Variants in DOCK11 observed in about 807,000 individuals in gnomAD.
The protein encoded by DOCK11 is dedicator of cytokinesis protein 11.
Under a neutral mutation model 169.1 loss-of-function variants are expected in DOCK11, and 70 were observed. That is an observed-to-expected ratio of 0.41 (90% CI 0.34 to 0.51). DOCK11 has a LOEUF of 0.51. DOCK11 is among the 20% of genes least tolerant of loss of function. DOCK11 has a pLI of 0.10. For synonymous variants in DOCK11, 529 were observed against 541.3 expected (o/e 0.98, Z 0.32); for missense variants, 1,166 against 1,538.8 (o/e 0.76, Z 4.05).
At chrX:118,502,940 G>A (rs986878867) in intron 1 of DOCK11, among the ~76,000 whole-genome samples, 33 of 110,990 alleles carry the variant, frequency 3.0e-4, no homozygotes, top group African/African-American at 1.0e-3. Flanking sequence ...CTGGAGTGCA[G>A]TAGATTCTTA....
intron 52 of DOCK11, among the ~76,000 whole-genome samples, chrX:118,684,166 A>G (rs1230592026): frequency 9.0e-6 from 1 of 111,620 alleles, no homozygotes; most frequent in Non-Finnish European, 1.9e-5. Context: ...TGACAAAAAG[A>G]CATGACTGGA....
chrX:118,496,625 C>T (rs1359026804), intron 1 of DOCK11, among the ~76,000 whole-genome samples: 1 of 112,078 alleles, frequency 8.9e-6, no homozygotes, highest in Non-Finnish European at 1.9e-5. Context: ...GGAAGCAGAG[C>T]GACTTCCTCC....
At chrX:118,591,041 A>G (rs977590416) in intron 19 of DOCK11, among the ~76,000 whole-genome samples, 5 of 111,674 alleles carry the variant, frequency 4.5e-5, no homozygotes, top group African/African-American at 1.3e-4. Flanking sequence ...TTTGATTCCT[A>G]TATGTCTCTA....
intron 20 of DOCK11, 122 bp downstream of exon 20, chrX:118,593,459 T>A: frequency 1.6e-6 from 1 of 642,102 alleles, no homozygotes. Flanking sequence ...CTGTATTAGT[T>A]CATTTTCATG....
intron 6 of DOCK11, among the ~76,000 whole-genome samples, chrX:118,561,093 T>C (rs2012893384): frequency 8.9e-6 from 1 of 112,352 alleles, no homozygotes. Flanking sequence ...AAGAATGCTA[T>C]AGTGAAAGGG....
chrX:118,517,772 G>A (rs1053361738), intron 1 of DOCK11, among the ~76,000 whole-genome samples: 2 of 111,653 alleles, frequency 1.8e-5, no homozygotes, highest in Admixed American at 9.6e-5. Flanking sequence ...ATCTTCTTAA[G>A]TATTATTCCC....
rs1266206863 is a variant in DOCK11 at position 118,495,933 on chromosome X, G to A, written c.-39G>A. The stretch of plus-strand genomic sequence containing the variant: ...GGCAGTGAGTCCACCCGCCCGCCGA[G>A]GTCCGCCCGCCCGCCGAGACCCGCC... On this transcript the variant is annotated 5_prime_UTR_variant, in exon 1 of 53. Coordinates refer to ENST00000276202, the MANE Select transcript of DOCK11 (RefSeq NM_144658.4). 2 of 973,960 alleles carry A rather than the reference G, an allele frequency of 2.1e-6. No homozygotes were observed. The highest frequency in any genetic ancestry group is 5.2e-5 in the East Asian group (1 of 19,290). 80.3% of individuals were successfully genotyped at this position (973,960 alleles called of 1,213,427 possible).
At chrX:118,517,128 G>A (rs1247649214) in intron 1 of DOCK11, among the ~76,000 whole-genome samples, 2 of 111,716 alleles carry the variant, frequency 1.8e-5, no homozygotes, top group Non-Finnish European at 3.8e-5. Flanking sequence ...GCTCACACCT[G>A]TAATCCTAGT....
intron 44 of DOCK11, among the ~76,000 whole-genome samples, chrX:118,659,499 G>A (rs1029124058): frequency 8.9e-6 from 1 of 112,022 alleles, no homozygotes; most frequent in African/African-American, 3.2e-5. Flanking sequence ...AGAACTAAGA[G>A]GAATCAGGAT....
intron 44 of DOCK11, among the ~76,000 whole-genome samples, chrX:118,656,307 T>C (rs1196287121): frequency 9.7e-6 from 1 of 102,805 alleles, no homozygotes; most frequent in Non-Finnish European, 2.1e-5. Context: ...ATAAATAAAT[T>C]TTTTAAAAAA....
intron 1 of DOCK11, among the ~76,000 whole-genome samples, chrX:118,503,074 C>CATTT (rs2057586437): frequency 1.1e-5 from 1 of 90,789 alleles, no homozygotes; most frequent in Admixed American, 1.3e-4. Context: ...ATAACAAAGG[C>CATTT]TTTTTTTTTT....
Position 118,636,634 on chromosome X carries a change from A to G in DOCK11, c.3953+222A>G, listed in dbSNP as rs56846901. On this transcript the variant is annotated intron_variant, in intron 36 of 52. Coordinates refer to ENST00000276202, the MANE Select transcript of DOCK11 (RefSeq NM_144658.4). ...CTGCTGAAACTCTAGCTAATAATAA[A>G]CCATCTTTAAAGCCCAGCAAAAGGC... 1.4e-3 allele frequency among the ~76,000 whole-genome samples: 155 copies of G among 112,456 alleles called. 1 individual carries two copies. Among genetic ancestry groups the G allele is most frequent in the African/African-American group, 4.7e-3 (145 of 30,978 alleles).
At chrX:118,511,863 T>C (rs961250268) in intron 1 of DOCK11, among the ~76,000 whole-genome samples, 1 of 112,108 alleles carries the variant, frequency 8.9e-6, no homozygotes, top group African/African-American at 3.2e-5. Flanking sequence ...AGGGAAATGT[T>C]TGTGAACTGT....
chrX:118,546,727 A>G (rs1346649113), intron 6 of DOCK11, among the ~76,000 whole-genome samples: 2 of 111,834 alleles, frequency 1.8e-5, no homozygotes, highest in Non-Finnish European at 3.8e-5. Context: ...AGTAGCTCAC[A>G]CCTGTAGTCC....
At chrX:118,545,420 A>T in intron 5 of DOCK11, 28 bp downstream of exon 5, 1 of 1,083,660 alleles carries the variant, frequency 9.2e-7, no homozygotes, top group Non-Finnish European at 1.3e-6. Flanking sequence ...AGTTGGGGTA[A>T]CTGTGCTAGT....
intron 1 of DOCK11, among the ~76,000 whole-genome samples, chrX:118,508,538 A>G (rs936992809): frequency 9.0e-6 from 1 of 111,324 alleles, no homozygotes; most frequent in Non-Finnish European, 1.9e-5. Flanking sequence ...CTACCTTCCA[A>G]GGTACCTACC....
intron 9 of DOCK11, among the ~76,000 whole-genome samples, chrX:118,567,473 C>T (rs1390588411): frequency 1.9e-5 from 2 of 105,220 alleles, no homozygotes; most frequent in Non-Finnish European, 3.9e-5. Flanking sequence ...CACTCTATCG[C>T]CCAGGCTGGA....
chrX:118,503,372 T>G (rs932785161), intron 1 of DOCK11, among the ~76,000 whole-genome samples: 7 of 111,724 alleles, frequency 6.3e-5, no homozygotes, highest in Middle Eastern at 9.1e-3. Context: ...ACAAAGGCTT[T>G]TAACTGAGGC....
chrX:118,590,392 C>G (rs973382358), intron 19 of DOCK11, 90 bp downstream of exon 19: 1 of 749,598 alleles, frequency 1.3e-6, no homozygotes, highest in Non-Finnish European at 2.0e-6. Context: ...CCAGCACTTT[C>G]AATCCCTGAG....
Sources: gnomAD v4.1 joint callset for allele counts (sites outside exome capture counted in the v4.1 genomes callset) on GRCh38, gnomAD v4.1.1 for gene constraint, MANE v1.5 for transcripts, NCBI Gene and HGNC (gene_info 2026-07-23, HGNC 2026-07-21) for gene names.